Variants in TXNRD2 observed in about 807,000 individuals in gnomAD.
The protein encoded by TXNRD2 is thioredoxin reductase 2.
Under a neutral mutation model 70.8 loss-of-function variants are expected in TXNRD2, and 67 were observed. The ratio of observed to expected loss-of-function variants is 0.95; its 90% CI spans 0.78 to 1.16. The LOEUF is 1.16. TXNRD2 is among the 50% of genes most tolerant of loss of function. The pLI, the probability that TXNRD2 is intolerant of heterozygous loss-of-function variation, is 0.00. For missense variants in TXNRD2, 644 were observed against 719.9 expected, an observed-to-expected ratio of 0.89 and a Z score of 1.21; for synonymous variants, 301 against 295.8, an observed-to-expected ratio of 1.02 and a Z score of -0.18.
intron 14 of TXNRD2, among the ~76,000 whole-genome samples, chr22:19,879,308 C>T (rs994361021): frequency 3.9e-5 from 6 of 152,176 alleles, no homozygotes; most frequent in Non-Finnish European, 7.4e-5. Context: ...CTGCAGGCTC[C>T]GGTTTCTCTG....
intron 2 of TXNRD2, among the ~76,000 whole-genome samples, chr22:19,920,263 G>A (rs1237523344): frequency 6.6e-6 from 1 of 152,198 alleles, no homozygotes; most frequent in Non-Finnish European, 1.5e-5. Context: ...CAGGGCCACA[G>A]GTTCTGGGGC....
At chr22:19,906,576 C>T (rs896356335) in intron 8 of TXNRD2, among the ~76,000 whole-genome samples, 1 of 152,070 alleles carries the variant, frequency 6.6e-6, no homozygotes, top group African/African-American at 2.4e-5. Context: ...GAGCCATGAT[C>T]GCACCACTGC....
At chr22:19,918,792 G>A in intron 4 of TXNRD2, 68 bp downstream of exon 4, 4 of 1,582,344 alleles carry the variant, frequency 2.5e-6, no homozygotes, top group South Asian at 2.2e-5. Context: ...TCGAGGATAA[G>A]CCTCCTCTTC....
intron 1 of TXNRD2, chr22:19,932,252 G>A (rs1435101960): frequency 6.2e-6 from 10 of 1,603,618 alleles, no homozygotes; most frequent in Non-Finnish European, 8.5e-6. Context: ...GGTGTGCCCA[G>A]CTGCAGTCAG....
intron 10 of TXNRD2, among the ~76,000 whole-genome samples, chr22:19,896,627 C>T (rs1419188098): frequency 6.6e-6 from 1 of 152,262 alleles, no homozygotes; most frequent in Non-Finnish European, 1.5e-5. Context: ...CCCAGGAGGC[C>T]TGTGCGCCCC....
chr22:19,896,159 G>A (rs1175282229), intron 10 of TXNRD2, among the ~76,000 whole-genome samples: 2 of 151,952 alleles, frequency 1.3e-5, no homozygotes, highest in South Asian at 2.1e-4. Context: ...TTAGCCAGGC[G>A]TGGTGGCAGG....
At chr22:19,918,611 G>T (rs1306661591) in intron 4 of TXNRD2, among the ~76,000 whole-genome samples, 1 of 152,150 alleles carries the variant, frequency 6.6e-6, no homozygotes, top group Admixed American at 6.5e-5. Context: ...TCTTGGTGGG[G>T]CTGTGCTGTG....
chr22:19,931,584 G>A (rs1241618688), intron 1 of TXNRD2, among the ~76,000 whole-genome samples: 1 of 152,082 alleles, frequency 6.6e-6, no homozygotes, highest in African/African-American at 2.4e-5. Context: ...GCTCACTGCA[G>A]CCTCTACCTC....
intron 5 of TXNRD2, 69 bp downstream of exon 5, chr22:19,918,074 T>C: frequency 7.6e-7 from 1 of 1,312,788 alleles, no homozygotes; most frequent in Non-Finnish European, 1.1e-6. Flanking sequence ...TAAGTAAGTG[T>C]GTGTCCAGGC....
At chr22:19,898,202 G>T (rs930759158) in intron 9 of TXNRD2, 72 bp from the exon 10 acceptor site, 4 of 1,399,060 alleles carry the variant, frequency 2.9e-6, no homozygotes, top group Non-Finnish European at 3.9e-6. Flanking sequence ...CCAGGGCCCT[G>T]TGCCACAGCC....
intron 8 of TXNRD2, chr22:19,902,947 G>A: frequency 1.9e-6 from 1 of 518,804 alleles, no homozygotes. Context: ...CTGGCTTCCG[G>A]ACTTCCTAAG....
At chr22:19,893,431 CTG>C (rs1208844605) in intron 11 of TXNRD2, among the ~76,000 whole-genome samples, 3 of 152,260 alleles carry the variant, frequency 2.0e-5, no homozygotes, top group East Asian at 1.9e-4. Flanking sequence ...AGCAGGCATG[CTG>C]TGTGTGCCGC....
chr22:19,921,229 A>G (rs1171415821), intron 2 of TXNRD2, among the ~76,000 whole-genome samples: 2 of 152,096 alleles, frequency 1.3e-5, no homozygotes, highest in East Asian at 1.9e-4. Flanking sequence ...AGCCTGGGCA[A>G]TATAGCAAAA....
chr22:19,902,585 C>T (rs1420378274), intron 8 of TXNRD2, among the ~76,000 whole-genome samples: 1 of 152,212 alleles, frequency 6.6e-6, no homozygotes, highest in East Asian at 1.9e-4. Flanking sequence ...ACGAAGGCCT[C>T]CTTCCCCGGC....
chr22:19,909,258 T>G (rs937541097), intron 8 of TXNRD2, among the ~76,000 whole-genome samples: 4 of 152,016 alleles, frequency 2.6e-5, no homozygotes, highest in Non-Finnish European at 5.9e-5. Flanking sequence ...ATGTCTGTTT[T>G]ATCACAATGA....
At chr22:19,893,947 C>T (rs1451428758) in intron 11 of TXNRD2, 1 of 152,238 alleles carries the variant, frequency 6.6e-6, no homozygotes, top group Non-Finnish European at 1.5e-5. Flanking sequence ...GTGCTGAAAA[C>T]AGGCGGCTTG....
intron 5 of TXNRD2, chr22:19,916,102 G>A (rs533488807): frequency 1.5e-4 from 70 of 461,126 alleles, no homozygotes; most frequent in Middle Eastern, 5.6e-4. Flanking sequence ...GCTCAGCACG[G>A]TCCTAAGAGG....
intron 8 of TXNRD2, among the ~76,000 whole-genome samples, chr22:19,905,434 A>G (rs1310293052): frequency 6.6e-6 from 1 of 152,164 alleles, no homozygotes; most frequent in Non-Finnish European, 1.5e-5. Context: ...CCCCCAGCAC[A>G]GGGTTGCAGA....
chr22:19,891,053 C>T (rs1422131703), intron 11 of TXNRD2, among the ~76,000 whole-genome samples: 1 of 152,194 alleles, frequency 6.6e-6, no homozygotes, highest in Non-Finnish European at 1.5e-5. Flanking sequence ...AAGAGGAAGC[C>T]GGGAAGCCAA....
Sources: allele counts gnomAD v4.1 joint callset (sites outside exome capture counted in the v4.1 genomes callset), GRCh38; gene constraint gnomAD v4.1.1; transcripts MANE v1.5; gene names NCBI Gene and HGNC (gene_info 2026-07-23, HGNC 2026-07-21).